The following ABL2 variants were observed in gnomAD, a reference collection of about 807,000 sequenced individuals.
The protein encoded by ABL2 is tyrosine-protein kinase ABL2.
Under a neutral mutation model 107.7 loss-of-function variants are expected in ABL2, and 49 were observed. The observed-to-expected ratio is 0.45, with a 90% CI of 0.36 to 0.58. The LOEUF is 0.58. Ranked by LOEUF, ABL2 falls within the 20% of genes least tolerant of loss-of-function variation. The probability of loss-of-function intolerance (pLI) is 0.00; values close to 1 mark genes in which losing one functional copy is unlikely to be tolerated. For synonymous variants in ABL2, 549 were observed against 548.6 expected, an observed-to-expected ratio of 1.00 and a Z score of -0.01; for missense variants, 1,245 against 1,457.0, an observed-to-expected ratio of 0.85 and a Z score of 2.37.
At position 179,103,245 on chromosome 1, in the gene ABL2, C is replaced by G. The variant is rs1343802283; in HGVS notation, c.*4473G>C. 3 of 209,462 alleles carry G rather than the reference C, an allele frequency of 1.4e-5. No individual in the cohort carries two copies. Among genetic ancestry groups the G allele is most frequent in the Non-Finnish European group, 2.9e-5 (3 of 103,080 alleles). The allele number at this position is 209,462 out of a possible 1,614,324, so 13.0% of individuals were successfully genotyped here. On this transcript the variant is annotated 3_prime_UTR_variant, in exon 12 of 12. Coordinates refer to ENST00000502732, the MANE Select transcript of ABL2 (RefSeq NM_007314.4). ...CTTTAGCAAACACTTGCTATACCTGCTCATACCTGTTAAGCAGTTTCATAT... is the reference window on the plus strand; with the variant it reads ...CTTTAGCAAACACTTGCTATACCTGGTCATACCTGTTAAGCAGTTTCATAT...
chr1:179,223,494 C>T (rs1038117216), intron 1 of ABL2, among the ~76,000 whole-genome samples: 1 of 151,432 alleles, frequency 6.6e-6, no homozygotes, highest in Non-Finnish European at 1.5e-5. Flanking sequence ...AAACTTCAGA[C>T]TTCATCACTT....
At position 179,181,946 on chromosome 1, in the gene ABL2, ATTTTTTTTTTTT is replaced by A. The variant is rs34828452; in HGVS notation, c.157+47283_157+47294del. Among the ~76,000 whole-genome samples the A allele has an allele frequency of 4.7e-3, 431 of 91,212 alleles. 4 individuals are homozygous for A. The highest frequency in any genetic ancestry group is 0.017 in the African/African-American group (409 of 23,498). The allele number at this position is 91,212 out of a possible 152,430, so 59.8% of individuals were successfully genotyped here. The stretch of plus-strand genomic sequence containing the variant: ...TAGTCACGTGTCACCAGGCCCGGCT[ATTTTTTTTTTTT>A]TTTTTTTTTTTGTATTTTTAGTAGA... On this transcript the variant is annotated intron_variant, in intron 1 of 11. Coordinates refer to ENST00000502732, the MANE Select transcript of ABL2 (RefSeq NM_007314.4).
chr1:179,196,787 A>C (rs985224840), intron 1 of ABL2, among the ~76,000 whole-genome samples: 4 of 144,126 alleles, frequency 2.8e-5, no homozygotes, highest in Non-Finnish European at 3.1e-5. Flanking sequence ...AAAAAAAAAC[A>C]AAAAAAAAAA....
chr1:179,114,549 G>A (rs1181880844), intron 9 of ABL2, among the ~76,000 whole-genome samples: 2 of 152,066 alleles, frequency 1.3e-5, no homozygotes, highest in East Asian at 1.9e-4. Flanking sequence ...TTATTTTTAT[G>A]CATTCTTCAT....
intron 1 of ABL2, among the ~76,000 whole-genome samples, chr1:179,181,032 C>A (rs1250425057): frequency 6.6e-6 from 1 of 152,164 alleles, no homozygotes; most frequent in Non-Finnish European, 1.5e-5. Context: ...AAACTGCCAC[C>A]AAAAAGAACA....
At position 179,105,950 on chromosome 1, in the gene ABL2, C is replaced by T. The variant is rs28913900; in HGVS notation, c.*1768G>A. ...AGAGGCTCTCCAAGGGATAGCTGCACACTTACTTGCAACACCCTTGAGAAC... is the reference window on the plus strand; with the variant it reads ...AGAGGCTCTCCAAGGGATAGCTGCATACTTACTTGCAACACCCTTGAGAAC... On this transcript the variant is annotated 3_prime_UTR_variant, in exon 12 of 12. Coordinates refer to ENST00000502732, the MANE Select transcript of ABL2 (RefSeq NM_007314.4). 131 of 223,432 alleles carry T rather than the reference C, an allele frequency of 5.9e-4. 2 individuals are homozygous for T. In the East Asian group the frequency reaches 8.2e-3, roughly 14 times the overall value. The allele number at this position is 223,432 out of a possible 1,614,324, so 13.8% of individuals were successfully genotyped here. A position where few individuals can be genotyped will look rare whatever the true frequency, so the allele number is the denominator to read the frequency against.
intron 1 of ABL2, among the ~76,000 whole-genome samples, chr1:179,198,282 G>C (rs989565968): frequency 6.6e-5 from 10 of 151,856 alleles, no homozygotes; most frequent in African/African-American, 2.4e-4. Context: ...TAAAATAAAT[G>C]AGACAAAATG....
Position 179,108,611 on chromosome 1 carries a change from C to T in ABL2, c.2656G>A (p.Ala886Thr), listed in dbSNP as rs756092726. The change falls in exon 12 of 12, where the codon GCT (alanine) becomes ACT (threonine). Residue 886 changes from alanine to threonine, a missense_variant. Ala to Thr is a moderately conservative substitution (Grantham distance 58). Around this residue, in one of 3 missense-constraint regions of ABL2, gnomAD observed 761 missense variants for 766.4 expected, o/e 0.99. Coordinates refer to ENST00000502732, the MANE Select transcript of ABL2 (RefSeq NM_007314.4). ...PPGVGVAGVA[A>T]APKGKEKNGG... ...TTCTTCTCTTTACCCTTGGGGGCAG[C>T]TGCCACTCCAGCCACTCCCACCCCT... The T allele has an allele frequency of 6.2e-7, 1 of 1,614,130 alleles. No homozygotes were observed. Among genetic ancestry groups the T allele is most frequent in the South Asian group, 1.1e-5 (1 of 91,076 alleles).
chr1:179,100,068 GAGGGTTTTCAAACAT>G lies in ABL2; in HGVS notation c.*7635_*7649del. 4 of 232,394 alleles carry G rather than the reference GAGGGTTTTCAAACAT, an allele frequency of 1.7e-5. No homozygotes were observed. The highest frequency in any genetic ancestry group is 2.6e-5 in the Non-Finnish European group (3 of 117,550). 14.4% of individuals were successfully genotyped at this position (232,394 alleles called of 1,614,324 possible). A position where few individuals can be genotyped will look rare whatever the true frequency, so the allele number is the denominator to read the frequency against. On this transcript the variant is annotated 3_prime_UTR_variant, in exon 12 of 12. Transcript: ENST00000502732. ...CACCAGCTATACAGATCTGAGATGA[GAGGGTTTTCAAACAT>G]ATGCCCTAAAGAACCATAAACAAGT...
intron 8 of ABL2, 64 bp from the exon 9 acceptor site, chr1:179,115,094 G>A (rs1654498256): frequency 1.4e-6 from 2 of 1,468,728 alleles, no homozygotes; most frequent in African/African-American, 1.4e-5. Flanking sequence ...TACATAATTA[G>A]GTGATTCTCT....
chr1:179,105,463 G>T lies in ABL2; in HGVS notation c.*2255C>A. On this transcript the variant is annotated 3_prime_UTR_variant, in exon 12 of 12. Coordinates refer to ENST00000502732, the MANE Select transcript of ABL2 (RefSeq NM_007314.4). ...ACCTTAAAAGGCTAGCTGCTAAAAC[G>T]AGTTCTTCAAGTTTACGGACATGTA... 4.3e-6 allele frequency: 1 copy of T among 230,282 alleles called. No homozygotes were observed. The highest frequency in any genetic ancestry group is 8.6e-6 in the Non-Finnish European group (1 of 116,202). 14.3% of individuals were successfully genotyped at this position (230,282 alleles called of 1,614,324 possible).
chr1:179,216,390 C>CA (rs1473382124), intron 1 of ABL2, among the ~76,000 whole-genome samples: 1 of 152,138 alleles, frequency 6.6e-6, no homozygotes, highest in South Asian at 2.1e-4. Flanking sequence ...TCCAAAAAGG[C>CA]AACCAAGAGT....
chr1:179,202,362 G>T (rs931142350), intron 1 of ABL2, among the ~76,000 whole-genome samples: 1 of 152,128 alleles, frequency 6.6e-6, no homozygotes, highest in Admixed American at 6.6e-5. Flanking sequence ...CTTCTTAAAA[G>T]AAATTAACTC....
intron 1 of ABL2, among the ~76,000 whole-genome samples, chr1:179,164,535 A>C (rs1659268742): frequency 6.6e-6 from 1 of 152,176 alleles, no homozygotes; most frequent in Non-Finnish European, 1.5e-5. Flanking sequence ...ATAATGAAAT[A>C]TCTAAGGGAT....
intron 1 of ABL2, among the ~76,000 whole-genome samples, chr1:179,210,717 A>G (rs1662226542): frequency 6.6e-6 from 1 of 151,286 alleles, no homozygotes; most frequent in Admixed American, 6.6e-5. Flanking sequence ...AGCTGGGCTT[A>G]GTGGCGGGCG....
At chr1:179,153,765 C>T (rs1288784436) in intron 1 of ABL2, among the ~76,000 whole-genome samples, 1 of 152,120 alleles carries the variant, frequency 6.6e-6, no homozygotes, top group South Asian at 2.1e-4. Context: ...GGGTACTTTT[C>T]AACCTACCAT....
chr1:179,201,290 C>T (rs1246334185), intron 1 of ABL2, among the ~76,000 whole-genome samples: 1 of 152,092 alleles, frequency 6.6e-6, no homozygotes, highest in East Asian at 1.9e-4. Context: ...AAAATGCACC[C>T]CCATTTCCTG....
chr1:179,183,908 G>T, intron 1 of ABL2: 1 of 251,592 alleles, frequency 4.0e-6, no homozygotes, highest in South Asian at 5.6e-5. Context: ...CCTGTTCTGA[G>T]ACTGGAAGAG....
At chr1:179,145,289 A>C (rs559646172) in intron 1 of ABL2, among the ~76,000 whole-genome samples, 1 of 152,338 alleles carries the variant, frequency 6.6e-6, no homozygotes, top group East Asian at 1.9e-4. Flanking sequence ...ATCTACGAAT[A>C]GTTAAAATAG....
Sources: allele counts gnomAD v4.1 joint callset (sites outside exome capture counted in the v4.1 genomes callset), GRCh38; gene constraint gnomAD v4.1.1; regional missense constraint gnomAD v4.1.1; transcripts MANE v1.5; gene names NCBI Gene and HGNC (gene_info 2026-07-23, HGNC 2026-07-21).